The following FOXN3 variants were observed in gnomAD, a reference collection of about 807,000 sequenced individuals.
FOXN3 encodes forkhead box protein N3.
Under a neutral mutation model 38.4 loss-of-function variants are expected in FOXN3, and 7 were observed. The ratio of observed to expected loss-of-function variants is 0.18; its 90% CI spans 0.10 to 0.34. FOXN3 has a LOEUF of 0.34. FOXN3 is among the 10% of genes least tolerant of loss of function. The probability of loss-of-function intolerance (pLI) is 1.00; values close to 1 mark genes in which losing one functional copy is unlikely to be tolerated. For synonymous variants in FOXN3, 230 were observed against 242.2 expected, an observed-to-expected ratio of 0.95 and a Z score of 0.47; for missense variants, 456 against 613.4, an observed-to-expected ratio of 0.74 and a Z score of 2.71.
At chr14:89,287,247 G>A (rs529530815) in intron 3 of FOXN3, among the ~76,000 whole-genome samples, 6 of 152,144 alleles carry the variant, frequency 3.9e-5, no homozygotes, top group East Asian at 3.9e-4. Flanking sequence ...TCTGCCTCCC[G>A]GGTTCAAGCA....
chr14:89,455,419 C>T (rs1450938200), intron 1 of FOXN3, among the ~76,000 whole-genome samples: 1 of 152,160 alleles, frequency 6.6e-6, no homozygotes, highest in Non-Finnish European at 1.5e-5. Flanking sequence ...GGGGCTGGTA[C>T]AGGAACAGGG....
intron 1 of FOXN3, among the ~76,000 whole-genome samples, chr14:89,496,606 C>T (rs1042837895): frequency 6.6e-6 from 1 of 152,130 alleles, no homozygotes; most frequent in Non-Finnish European, 1.5e-5. Flanking sequence ...TGCTGGCTGT[C>T]ATCCCCCTAC....
At position 89,268,469 on chromosome 14, in the gene FOXN3, T is replaced by C. The variant is rs566023792; in HGVS notation, c.745+12481A>G. Reference sequence around the variant, plus strand: ...AACACTGTTAATTAGAAACACTGTATTCATCATGACTCTCGACTGTACATA... The same window carrying C: ...AACACTGTTAATTAGAAACACTGTACTCATCATGACTCTCGACTGTACATA... On this transcript the variant is annotated intron_variant, in intron 4 of 5. Transcript: ENST00000557258. Among the ~76,000 whole-genome samples, 45 of 152,346 alleles carry C rather than the reference T, an allele frequency of 3.0e-4. No individual in the cohort carries two copies. In the South Asian group the frequency reaches 7.9e-3, roughly 27 times the overall value.
chr14:89,227,794 T>C (rs996597218), intron 4 of FOXN3, among the ~76,000 whole-genome samples: 2 of 152,186 alleles, frequency 1.3e-5, no homozygotes, highest in African/African-American at 4.8e-5. Context: ...GGAGGGCTGG[T>C]GAGGGCAGGT....
chr14:89,534,233 G>C (rs534012324), intron 1 of FOXN3, among the ~76,000 whole-genome samples: 2 of 149,522 alleles, frequency 1.3e-5, no homozygotes, highest in South Asian at 4.2e-4. Context: ...AGCCTCCCAA[G>C]TAACTGAGAT....
chr14:89,613,370 C>A (rs1053361893), intron 1 of FOXN3, among the ~76,000 whole-genome samples: 1 of 152,122 alleles, frequency 6.6e-6, no homozygotes, highest in African/African-American at 2.4e-5. Flanking sequence ...GCTTAATGCT[C>A]ACTCCCAAAG....
intron 1 of FOXN3, among the ~76,000 whole-genome samples, chr14:89,500,871 G>C (rs147448878): frequency 5.3e-5 from 8 of 152,338 alleles, no homozygotes; most frequent in African/African-American, 1.4e-4. Context: ...CAGATGCTCA[G>C]GCAGGATTCG....
At chr14:89,610,454 G>A (rs542481824) in intron 1 of FOXN3, among the ~76,000 whole-genome samples, 9 of 152,318 alleles carry the variant, frequency 5.9e-5, no homozygotes, top group African/African-American at 1.7e-4. Context: ...GATAACTCAC[G>A]ACTGGCTGCC....
chr14:89,249,066 A>C lies in FOXN3; in HGVS notation c.745+31884T>G, dbSNP rs143379906. Reference sequence around the variant, plus strand: ...TCATTCCTGGGTTGAAATTATAAAGAAAGCTCTTGCTTTAAAATTATAAAC... The same window carrying C: ...TCATTCCTGGGTTGAAATTATAAAGCAAGCTCTTGCTTTAAAATTATAAAC... On this transcript the variant is annotated intron_variant, in intron 4 of 5. Coordinates refer to ENST00000557258, the MANE Select transcript of FOXN3 (RefSeq NM_005197.4). Among the ~76,000 whole-genome samples, 263 of 152,376 alleles carry C rather than the reference A, an allele frequency of 1.7e-3. 2 individuals are homozygous for C. Among genetic ancestry groups the C allele is most frequent in the African/African-American group, 6.0e-3 (251 of 41,586 alleles).
intron 1 of FOXN3, among the ~76,000 whole-genome samples, chr14:89,415,846 C>CCA (rs1891687068): frequency 1.1e-4 from 5 of 47,498 alleles, no homozygotes; most frequent in African/African-American, 4.3e-4. Context: ...CAACTTTTCT[C>CCA]TACACACACA....
chr14:89,274,316 C>T (rs577216658), intron 4 of FOXN3, among the ~76,000 whole-genome samples: 3 of 152,026 alleles, frequency 2.0e-5, no homozygotes, highest in Admixed American at 6.6e-5. Context: ...GGAAAATGCT[C>T]GTTTGGAGAG....
intron 3 of FOXN3, among the ~76,000 whole-genome samples, chr14:89,312,193 G>C (rs143780182): frequency 6.9e-6 from 1 of 145,872 alleles, no homozygotes; most frequent in Non-Finnish European, 1.5e-5. Flanking sequence ...GCTGAGGAAT[G>C]AGAGTCACAT....
At chr14:89,546,331 T>TTTTTTTTC (rs202009862) in intron 1 of FOXN3, among the ~76,000 whole-genome samples, 17,641 of 106,738 alleles carry the variant, frequency 0.17, 2,005 homozygotes, top group East Asian at 0.37. Context: ...TCCTTTTTCT[T>TTTTTTTTC]TTTTTTTTTT....
intron 1 of FOXN3, among the ~76,000 whole-genome samples, chr14:89,511,395 C>T (rs1389080428): frequency 1.3e-5 from 2 of 150,896 alleles, no homozygotes; most frequent in Non-Finnish European, 2.9e-5. Flanking sequence ...TGGGCTCAAG[C>T]AAACCTCCCA....
intron 3 of FOXN3, among the ~76,000 whole-genome samples, chr14:89,289,489 A>G (rs1044670647): frequency 4.6e-5 from 7 of 152,256 alleles, no homozygotes; most frequent in Non-Finnish European, 1.0e-4. Flanking sequence ...GGTACTACAT[A>G]GCAAAAGCAC....
intron 4 of FOXN3, among the ~76,000 whole-genome samples, chr14:89,239,767 A>G (rs1354154490): frequency 6.6e-6 from 1 of 152,248 alleles, no homozygotes; most frequent in Non-Finnish European, 1.5e-5. Flanking sequence ...CCAATTATTG[A>G]AAACCAATCA....
chr14:89,456,394 T>C (rs115101994), intron 1 of FOXN3, among the ~76,000 whole-genome samples: 299 of 152,262 alleles, frequency 2.0e-3, no homozygotes, highest in African/African-American at 6.8e-3. Flanking sequence ...TTATACCCCA[T>C]GGCATCTCCA....
rs143180660 is a variant in FOXN3 at position 89,169,440 on chromosome 14, T to C, written c.852-6471A>G. On this transcript the variant is annotated intron_variant, in intron 5 of 5. Transcript: ENST00000557258. ...TGGGCAACAGGAGTGAGACCCTGTCTCAAAAAAGAAAAGAAAATGTGGCCA... is the reference window on the plus strand; with the variant it reads ...TGGGCAACAGGAGTGAGACCCTGTCCCAAAAAAGAAAAGAAAATGTGGCCA... 1.2e-4 allele frequency among the ~76,000 whole-genome samples: 18 copies of C among 151,636 alleles called. No individual in the cohort carries two copies. In the East Asian group the frequency reaches 3.1e-3, roughly 26 times the overall value.
intron 4 of FOXN3, among the ~76,000 whole-genome samples, chr14:89,243,883 A>C (rs1566937411): frequency 6.6e-6 from 1 of 152,216 alleles, no homozygotes; most frequent in South Asian, 2.1e-4. Flanking sequence ...CAATGAAACC[A>C]CATAAGCCCT....
Sources: gnomAD v4.1 joint callset for allele counts (sites outside exome capture counted in the v4.1 genomes callset) on GRCh38, gnomAD v4.1.1 for gene constraint, MANE v1.5 for transcripts, NCBI Gene and HGNC (gene_info 2026-07-23, HGNC 2026-07-21) for gene names.